Variants in NRBF2 observed in about 807,000 individuals in gnomAD.
The protein encoded by NRBF2 is nuclear receptor binding factor 2, also known as nuclear receptor-binding factor 2.
A neutral mutation model predicts 28.5 loss-of-function variants in NRBF2; 12 were observed. That is an observed-to-expected ratio of 0.42 (90% CI 0.27 to 0.68). The LOEUF (loss-of-function observed/expected upper bound fraction) is 0.68. Ranked by LOEUF, NRBF2 falls within the 30% of genes least tolerant of loss-of-function variation. The pLI is 0.24. For synonymous variants in NRBF2, 102 were observed against 116.5 expected (o/e 0.88, Z 0.80); for missense variants, 274 against 333.5 (o/e 0.82, Z 1.39).
At chr10:63,146,640 T>G (rs1474666160) in intron 2 of NRBF2, among the ~76,000 whole-genome samples, 1 of 152,254 alleles carries the variant, frequency 6.6e-6, no homozygotes, top group African/African-American at 2.4e-5. Flanking sequence ...GTTCTAAAAA[T>G]AGTAATTCAA....
rs756495210 is a variant in NRBF2 at position 63,153,990 on chromosome 10, A to G, written c.636A>G (p.Glu212=). 4 of 1,611,670 alleles carry G rather than the reference A, an allele frequency of 2.5e-6. No homozygotes were observed. The highest frequency in any genetic ancestry group is 3.3e-5 in the Admixed American group (2 of 59,904). Residue 212 remains glutamate (E), a synonymous_variant, in exon 4 of 4, where the codon GAA becomes GAG. Transcript: ENST00000277746. ...CCAGACTTCTAAAAGGTCCAATAGA[A>G]AAGGAGCTGGATGTAGATGCTGATT... is the stretch of plus-strand genomic sequence containing the variant. ...EKARLLKGPI[E]KELDVDADFV...
chr10:63,152,171 A>G lies in NRBF2; in HGVS notation c.137A>G (p.Lys46Arg). The G allele has an allele frequency of 1.2e-6, 2 of 1,613,798 alleles. No individual in the cohort carries two copies. The highest frequency in any genetic ancestry group is 2.2e-5 in the South Asian group (2 of 91,044). The stretch of plus-strand genomic sequence containing the variant: ...ACAGCATATCTTTCTGAAGCCATGA[A>G]GCTGACACAGTCAGAGCAGGTGAGA... Reference protein sequence around the residue: ...KAAAYLSEAMKLTQSEQAHLS... With the variant: ...KAAAYLSEAMRLTQSEQAHLS... The change falls in exon 3 of 4, where the codon AAG (lysine) becomes AGG (arginine). Residue 46 changes from lysine to arginine, a missense_variant. Coordinates refer to ENST00000277746, the MANE Select transcript of NRBF2 (RefSeq NM_030759.5).
In NRBF2 at chr10:63,133,401, C is replaced by G. The variant is rs769709571; in HGVS notation, c.-70C>G. The stretch of plus-strand genomic sequence containing the variant: ...AGTCTCCGCGGCTGCGTCGAGCTCC[C>G]TTGCAGTCCCCTCCATGTTCCCCGG... On this transcript the variant is annotated 5_prime_UTR_variant, in exon 1 of 4. Transcript: ENST00000277746. 1.3e-6 allele frequency: 2 copies of G among 1,593,168 alleles called. No homozygotes were observed. The highest frequency in any genetic ancestry group is 1.1e-5 in the South Asian group (1 of 89,596).
At chr10:63,133,725 C>T (rs1841326456) in intron 1 of NRBF2, among the ~76,000 whole-genome samples, 1 of 152,166 alleles carries the variant, frequency 6.6e-6, no homozygotes. Context: ...TCCTGGCGCC[C>T]CCTGTCGCGG....
At chr10:63,142,843 C>T (rs1236574482) in intron 1 of NRBF2, among the ~76,000 whole-genome samples, 1 of 125,166 alleles carries the variant, frequency 8.0e-6, no homozygotes, top group Non-Finnish European at 1.6e-5. Context: ...TGCAGTAGCA[C>T]GATCTCAGCT....
intron 1 of NRBF2, among the ~76,000 whole-genome samples, chr10:63,138,021 T>C (rs959363225): frequency 6.6e-6 from 1 of 151,820 alleles, no homozygotes; most frequent in Admixed American, 6.6e-5. Context: ...GGGTAAGTGG[T>C]GATAGTAGGA....
chr10:63,135,482 C>T (rs1250988283), intron 1 of NRBF2, among the ~76,000 whole-genome samples: 1 of 152,226 alleles, frequency 6.6e-6, no homozygotes, highest in East Asian at 1.9e-4. Flanking sequence ...TGCAGAATCA[C>T]TACCAGTTCA....
chr10:63,143,833 G>T (rs1841515280), intron 1 of NRBF2, among the ~76,000 whole-genome samples: 1 of 148,782 alleles, frequency 6.7e-6, no homozygotes, highest in Non-Finnish European at 1.5e-5. Flanking sequence ...GGTCACTGCA[G>T]CCTCCATTAC....
At chr10:63,148,337 A>G (rs532839580) in intron 2 of NRBF2, among the ~76,000 whole-genome samples, 3 of 152,328 alleles carry the variant, frequency 2.0e-5, no homozygotes, top group African/African-American at 7.2e-5. Context: ...TGGGTTTCCA[A>G]CTTGTGTTTT....
At position 63,153,583 on chromosome 10, in the gene NRBF2, A is replaced by C; in HGVS notation, c.229A>C (p.Arg77=). The change falls in exon 4 of 4, where the codon AGG becomes CGG. Residue 77 remains arginine (R), a synonymous_variant. Transcript: ENST00000277746. Reference sequence around the variant, plus strand: ...CCTCCTCATCCAAGAGAGATGGAAAAGGGCCCAGCGTGAAGAAAGATTGAA... The same window carrying C: ...CCTCCTCATCCAAGAGAGATGGAAACGGGCCCAGCGTGAAGAAAGATTGAA... ...QLLLIQERWK[R]AQREERLKAQ... 27 of 1,611,940 alleles carry C rather than the reference A, an allele frequency of 1.7e-5. No homozygotes were observed. The highest frequency in any genetic ancestry group is 2.3e-5 in the Non-Finnish European group (27 of 1,179,856).
chr10:63,142,780 C>CTTTCTTTTT (rs1554821458), intron 1 of NRBF2, among the ~76,000 whole-genome samples: 2 of 74,940 alleles, frequency 2.7e-5, no homozygotes, highest in African/African-American at 1.2e-4. Flanking sequence ...TTCTTTCTTT[C>CTTTCTTTTT]TTTTTTTTTT....
At chr10:63,149,650 T>G (rs1300442970) in intron 2 of NRBF2, among the ~76,000 whole-genome samples, 1 of 152,336 alleles carries the variant, frequency 6.6e-6, no homozygotes, top group Non-Finnish European at 1.5e-5. Flanking sequence ...AAGATTTAAA[T>G]GTGGGGAATA....
intron 3 of NRBF2, among the ~76,000 whole-genome samples, chr10:63,152,877 G>T (rs1431068818): frequency 6.6e-6 from 1 of 152,144 alleles, no homozygotes; most frequent in Non-Finnish European, 1.5e-5. Flanking sequence ...CATGCCTGTA[G>T]TTCTAGCTAC....
At chr10:63,133,729 G>C (rs1841326524) in intron 1 of NRBF2, among the ~76,000 whole-genome samples, 2 of 152,180 alleles carry the variant, frequency 1.3e-5, no homozygotes, top group Non-Finnish European at 2.9e-5. Flanking sequence ...GGCGCCCCCT[G>C]TCGCGGGGCC....
Position 63,154,418 on chromosome 10 carries a change from G to C in NRBF2, c.*200G>C. The C allele has an allele frequency of 2.1e-6, 1 of 465,646 alleles. No homozygotes were observed. Among genetic ancestry groups the C allele is most frequent in the East Asian group, 3.4e-5 (1 of 29,364 alleles). The allele number at this position is 465,646 out of a possible 1,614,324, so 28.8% of individuals were successfully genotyped here. On this transcript the variant is annotated 3_prime_UTR_variant, in exon 4 of 4. Coordinates refer to ENST00000277746, the MANE Select transcript of NRBF2 (RefSeq NM_030759.5). ...CTGCGTATCTCATTCACTCACTTCAGCTAATGATTCCGACTTGGCAGACGC... is the reference window on the plus strand; with the variant it reads ...CTGCGTATCTCATTCACTCACTTCACCTAATGATTCCGACTTGGCAGACGC...
chr10:63,146,212 C>T lies in NRBF2; in HGVS notation c.34C>T (p.His12Tyr). Residue 12 changes from histidine to tyrosine, a missense_variant, in exon 2 of 4, where the codon CAT becomes TAT. Coordinates refer to ENST00000277746, the MANE Select transcript of NRBF2 (RefSeq NM_030759.5). ...EVMEGPLNLA[H>Y]QQSRRADRLL... ...CTTAGGGATGTTTGTCTTCTAGGCT[C>T]ATCAACAGAGCAGACGAGCAGACCG... The T allele has an allele frequency of 1.2e-6, 2 of 1,611,296 alleles. No homozygotes were observed. Among genetic ancestry groups the T allele is most frequent in the Non-Finnish European group, 1.7e-6 (2 of 1,179,168 alleles).
chr10:63,143,849 C>T (rs1841515632), intron 1 of NRBF2, among the ~76,000 whole-genome samples: 1 of 150,450 alleles, frequency 6.6e-6, no homozygotes, highest in African/African-American at 2.5e-5. Flanking sequence ...ATTACCCAGG[C>T]TCAAGTGATT....
rs375025794 is a variant in NRBF2, at chr10:63,138,552, A to G, written c.30+5052A>G. ...GAGGTCAGGAGATCGAGACCATTCT[A>G]GCTAACACGGTGAAACCCCGTCTCT... On this transcript the variant is annotated intron_variant, in intron 1 of 3. Transcript: ENST00000277746. 1.5e-3 allele frequency among the ~76,000 whole-genome samples: 220 copies of G among 150,962 alleles called. 4 individuals are homozygous for G. The East Asian group carries it at 0.034, about 23-fold the overall frequency.
chr10:63,136,139 T>G (rs75304704), intron 1 of NRBF2, among the ~76,000 whole-genome samples: 1 of 151,152 alleles, frequency 6.6e-6, no homozygotes, highest in African/African-American at 2.4e-5. Flanking sequence ...TTTTTTTTTT[T>G]TTTTCTTTTT....
Sources: allele counts gnomAD v4.1 joint callset (sites outside exome capture counted in the v4.1 genomes callset), GRCh38; gene constraint gnomAD v4.1.1; transcripts MANE v1.5; gene names NCBI Gene and HGNC (gene_info 2026-07-23, HGNC 2026-07-21).